PKIB: variants seen among roughly 807,000 people sequenced by gnomAD.
PKIB encodes cAMP-dependent protein kinase inhibitor beta.
PKIB carries 2 observed loss-of-function variants against 4.5 expected under a neutral mutation model. The ratio of observed to expected loss-of-function variants is 0.44; its 90% CI spans 0.18 to 1.39. The LOEUF is 1.39. Ranked by LOEUF, PKIB falls within the 40% of genes most tolerant of loss-of-function variation. The probability of loss-of-function intolerance (pLI) is 0.27; values close to 1 mark genes in which losing one functional copy is unlikely to be tolerated. For missense variants in PKIB, 94 were observed against 92.6 expected, an observed-to-expected ratio of 1.02 and a Z score of -0.06; for synonymous variants, 38 against 36.0, an observed-to-expected ratio of 1.06 and a Z score of -0.20.
intron 2 of PKIB, among the ~76,000 whole-genome samples, chr6:122,574,268 C>A (rs1773464763): frequency 6.6e-6 from 1 of 152,150 alleles, no homozygotes; most frequent in Non-Finnish European, 1.5e-5. Context: ...ATAGATGACA[C>A]AAACAAATGG....
intron 2 of PKIB, among the ~76,000 whole-genome samples, chr6:122,639,436 C>T (rs562955330): frequency 1.8e-4 from 27 of 152,208 alleles, no homozygotes; most frequent in African/African-American, 5.3e-4. Flanking sequence ...TTCTTCATTC[C>T]GTAAGTGTTC....
In PKIB at chr6:122,591,220, C is replaced by CACA. The variant is rs1554222348; in HGVS notation, c.-161+5213_-161+5214insACA. Among the ~76,000 whole-genome samples the CACA allele has an allele frequency of 8.7e-4, 124 of 142,804 alleles. 1 individual carries two copies. Among genetic ancestry groups the CACA allele is most frequent in the East Asian group, 4.9e-3 (24 of 4,856 alleles). The allele number at this position is 142,804 out of a possible 152,430, so 93.7% of individuals were successfully genotyped here. On this transcript the variant is annotated intron_variant, in intron 3 of 6. Coordinates refer to the PKIB transcript ENST00000392491. Reference sequence around the variant, plus strand: ...GACACACACACACACACACACACACCCCCCACATACACACACGTTTTCCCA... The same window carrying CACA: ...GACACACACACACACACACACACACCACACCCCACATACACACACGTTTTCCCA...
intron 4 of PKIB, among the ~76,000 whole-genome samples, chr6:122,719,706 CCACCACACATACACACA>C (rs1435333263): frequency 1.4e-5 from 2 of 141,696 alleles, no homozygotes; most frequent in East Asian, 4.2e-4. Context: ...GTGAGTGTTC[CCACCACACATACACACA>C]CACACACACA....
intron 3 of PKIB, among the ~76,000 whole-genome samples, chr6:122,693,510 C>A (rs1416188354): frequency 6.6e-6 from 1 of 152,178 alleles, no homozygotes; most frequent in Non-Finnish European, 1.5e-5. Flanking sequence ...GTGGAATGAA[C>A]AAACTGGCAG....
intron 3 of PKIB, among the ~76,000 whole-genome samples, chr6:122,710,250 G>C (rs1341431941): frequency 6.6e-6 from 1 of 152,004 alleles, no homozygotes; most frequent in Non-Finnish European, 1.5e-5. Flanking sequence ...ACCGCCATTT[G>C]ACATTTTAAA....
At chr6:122,650,655 G>A (rs1454636062) in intron 2 of PKIB, among the ~76,000 whole-genome samples, 1 of 152,050 alleles carries the variant, frequency 6.6e-6, no homozygotes, top group African/African-American at 2.4e-5. Flanking sequence ...CCAGTTCAGT[G>A]GCAGCAATTC....
rs1412301118 is a variant in PKIB, at chr6:122,538,411, C to T, written c.-247-47510C>T. Among the ~76,000 whole-genome samples the T allele has an allele frequency of 9.2e-5, 14 of 152,062 alleles. 1 individual carries two copies. Among genetic ancestry groups the T allele is most frequent in the Non-Finnish European group, 1.5e-4 (10 of 68,026 alleles). On this transcript the variant is annotated intron_variant, in intron 2 of 6. Coordinates refer to the PKIB transcript ENST00000392491. ...TTTCTACATATGGCTAGCCAATTTT[C>T]CCAGCACCATTTATTAAATAGGGAA...
Position 122,654,616 on chromosome 6 carries a change from G to C in PKIB, c.-75-20462G>C, listed in dbSNP as rs919389810. Among the ~76,000 whole-genome samples the C allele has an allele frequency of 2.6e-5, 4 of 152,128 alleles. No homozygotes were observed. In the South Asian group the frequency reaches 8.3e-4, roughly 32 times the overall value. On this transcript the variant is annotated intron_variant, in intron 2 of 4. Coordinates refer to ENST00000368452, the MANE Select transcript of PKIB (RefSeq NM_181795.3). The stretch of plus-strand genomic sequence containing the variant: ...TAAATATCGGTCAATATTATTATGC[G>C]ATTGCAGATTTTAAGAATGTAAACC...
chr6:122,537,424 A>G (rs1777441539), intron 2 of PKIB, among the ~76,000 whole-genome samples: 1 of 151,642 alleles, frequency 6.6e-6, no homozygotes, highest in South Asian at 2.1e-4. Flanking sequence ...GTTTTTTGTG[A>G]GAACATTTTG....
intron 3 of PKIB, among the ~76,000 whole-genome samples, chr6:122,712,093 G>T (rs951019893): frequency 1.3e-5 from 2 of 152,144 alleles, no homozygotes; most frequent in Admixed American, 1.3e-4. Flanking sequence ...AGCTTAAAAT[G>T]ATCTTGATAC....
chr6:122,719,018 G>A (rs911888668), intron 4 of PKIB, among the ~76,000 whole-genome samples: 4 of 152,076 alleles, frequency 2.6e-5, no homozygotes, highest in Admixed American at 2.6e-4. Context: ...AGGGAAGAAA[G>A]AAATAAACAT....
At chr6:122,686,010 G>C (rs1162116217) in intron 3 of PKIB, among the ~76,000 whole-genome samples, 1 of 152,140 alleles carries the variant, frequency 6.6e-6, no homozygotes, top group Non-Finnish European at 1.5e-5. Flanking sequence ...TGGCTGAATA[G>C]TACTCCATTG....
chr6:122,683,441 G>A (rs898855336), intron 3 of PKIB, among the ~76,000 whole-genome samples: 1 of 152,042 alleles, frequency 6.6e-6, no homozygotes, highest in African/African-American at 2.4e-5. Flanking sequence ...AGAGTACCAA[G>A]CCATAAGGAA....
At chr6:122,614,026 A>G (rs944191307) in intron 1 of PKIB, among the ~76,000 whole-genome samples, 44 of 150,038 alleles carry the variant, frequency 2.9e-4, no homozygotes, top group Non-Finnish European at 8.9e-5. Flanking sequence ...GCTACTTTTT[A>G]CTGAACTGAG....
At chr6:122,682,625 A>G (rs1452746303) in intron 3 of PKIB, among the ~76,000 whole-genome samples, 1 of 152,098 alleles carries the variant, frequency 6.6e-6, no homozygotes, top group Non-Finnish European at 1.5e-5. Flanking sequence ...TATTACCCAT[A>G]CAGAGTGTTT....
intron 2 of PKIB, among the ~76,000 whole-genome samples, chr6:122,521,367 G>A (rs577827280): frequency 3.3e-5 from 5 of 152,232 alleles, no homozygotes; most frequent in Middle Eastern, 3.4e-3. Flanking sequence ...ATGGTTCACT[G>A]TTGTTGTGTA....
intron 2 of PKIB, among the ~76,000 whole-genome samples, chr6:122,650,401 G>C (rs542740088): frequency 1.2e-4 from 19 of 152,092 alleles, no homozygotes; most frequent in Non-Finnish European, 1.5e-4. Flanking sequence ...TTTCTACTTG[G>C]CCTCACTCCA....
At chr6:122,610,034 C>G (rs989779901), upstream of PKIB, among the ~76,000 whole-genome samples, 6 of 152,128 alleles carry the variant, frequency 3.9e-5, no homozygotes, top group Non-Finnish European at 8.8e-5. Context: ...GGACAGAAAA[C>G]ACGATGCGAC....
At chr6:122,670,762 A>G (rs1044273037) in intron 2 of PKIB, among the ~76,000 whole-genome samples, 8 of 152,220 alleles carry the variant, frequency 5.3e-5, no homozygotes, top group African/African-American at 1.4e-4. Context: ...ATGAATGCAC[A>G]TCATTTTCAA....
Sources: allele counts gnomAD v4.1 joint callset (sites outside exome capture counted in the v4.1 genomes callset), GRCh38; gene constraint gnomAD v4.1.1; transcripts MANE v1.5; gene names NCBI Gene and HGNC (gene_info 2026-07-23, HGNC 2026-07-21).